The following EGFL6 variants were observed in gnomAD, a reference collection of about 807,000 sequenced individuals.
EGFL6 encodes the protein epidermal growth factor-like protein 6.
EGFL6 carries 42 observed loss-of-function variants against 43.1 expected under a neutral mutation model. That is an observed-to-expected ratio of 0.98 (90% CI 0.76 to 1.26). The LOEUF (loss-of-function observed/expected upper bound fraction) is 1.26, where lower values mean the gene tolerates loss of function less well. EGFL6 is among the 50% of genes most tolerant of loss of function. The probability of loss-of-function intolerance (pLI) is 0.00; values close to 1 mark genes in which losing one functional copy is unlikely to be tolerated. For synonymous variants in EGFL6, 164 were observed against 163.2 expected (o/e 1.01, Z -0.04); for missense variants, 429 against 427.8 (o/e 1.00, Z -0.02).
intron 3 of EGFL6, among the ~76,000 whole-genome samples, chrX:13,596,824 A>G (rs1211624886): frequency 8.9e-6 from 1 of 112,501 alleles, no homozygotes; most frequent in East Asian, 2.8e-4. Flanking sequence ...AGCACCTTAC[A>G]CAATGCACAG....
chrX:13,619,721 G>A (rs988278161), intron 9 of EGFL6, among the ~76,000 whole-genome samples: 1 of 111,716 alleles, frequency 9.0e-6, no homozygotes, highest in Admixed American at 9.5e-5. Flanking sequence ...TTGGCTGGAC[G>A]GTTCTGCTGC....
At chrX:13,599,171 A>G (rs2045618667) in intron 3 of EGFL6, among the ~76,000 whole-genome samples, 1 of 110,360 alleles carries the variant, frequency 9.1e-6, no homozygotes, top group South Asian at 3.8e-4. Context: ...TTGGGATAGC[A>G]TGAAAGGCAG....
chrX:13,588,552 C>T (rs1009383353), intron 1 of EGFL6, among the ~76,000 whole-genome samples: 2 of 111,246 alleles, frequency 1.8e-5, no homozygotes, highest in African/African-American at 6.5e-5. Flanking sequence ...ATGCAGTGAG[C>T]TTCATCCATG....
chrX:13,623,277 C>T (rs1363424803), intron 9 of EGFL6, among the ~76,000 whole-genome samples: 8 of 104,794 alleles, frequency 7.6e-5, no homozygotes, highest in Admixed American at 5.2e-4. Context: ...GGCCTGAATT[C>T]GATAAACAAT....
At chrX:13,572,052 A>G (rs901534454) in intron 1 of EGFL6, among the ~76,000 whole-genome samples, 9 of 112,621 alleles carry the variant, frequency 8.0e-5, no homozygotes, top group Non-Finnish European at 1.7e-4. Flanking sequence ...TATTTAGTGC[A>G]TAGTACACAA....
chrX:13,581,957 A>T (rs2045508299), intron 1 of EGFL6, among the ~76,000 whole-genome samples: 1 of 111,888 alleles, frequency 8.9e-6, no homozygotes, highest in Non-Finnish European at 1.9e-5. Context: ...GAAGAGACAG[A>T]GAGAGAGTGA....
intron 1 of EGFL6, among the ~76,000 whole-genome samples, chrX:13,571,421 C>T (rs1187375803): frequency 9.0e-6 from 1 of 111,582 alleles, no homozygotes; most frequent in African/African-American, 3.3e-5. Context: ...GTTTCAATTT[C>T]CTTTTCATGA....
At chrX:13,571,041 A>G (rs1469489642) in intron 1 of EGFL6, among the ~76,000 whole-genome samples, 3 of 110,598 alleles carry the variant, frequency 2.7e-5, no homozygotes, top group African/African-American at 9.9e-5. Context: ...TGTGCATTGT[A>G]GGATGTTTAG....
intron 1 of EGFL6, among the ~76,000 whole-genome samples, chrX:13,576,590 T>C (rs1423710282): frequency 8.9e-6 from 1 of 111,940 alleles, no homozygotes; most frequent in Non-Finnish European, 1.9e-5. Context: ...CTTAGTTCCA[T>C]GGCCACATAT....
At position 13,584,815 on chromosome X, in the gene EGFL6, A is replaced by G. The variant is rs771356077; in HGVS notation, c.75-4741A>G. ...CTGATACATTATAGGCACTCAATAA[A>G]TACTTGTTGAATGAATGAATGAATG... On this transcript the variant is annotated intron_variant, in intron 1 of 11. Coordinates refer to ENST00000361306, the MANE Select transcript of EGFL6 (RefSeq NM_015507.4). Among the ~76,000 whole-genome samples, 5 of 111,608 alleles carry G rather than the reference A, an allele frequency of 4.5e-5. No homozygotes were observed. In the South Asian group the frequency reaches 1.9e-3, roughly 42 times the overall value.
chrX:13,610,947 T>C (rs781565038), intron 7 of EGFL6, among the ~76,000 whole-genome samples: 14 of 110,199 alleles, frequency 1.3e-4, no homozygotes, highest in Admixed American at 1.9e-4. Flanking sequence ...CTGACAGGAG[T>C]CTCCAGCTTC....
chrX:13,624,340 T>C (rs921288096), intron 10 of EGFL6, among the ~76,000 whole-genome samples: 3 of 111,950 alleles, frequency 2.7e-5, no homozygotes, highest in African/African-American at 9.8e-5. Flanking sequence ...AAAGGAAATA[T>C]AACCTCCACC....
chrX:13,609,977 G>T (rs1485991891), intron 7 of EGFL6, among the ~76,000 whole-genome samples: 1 of 110,890 alleles, frequency 9.0e-6, no homozygotes, highest in Non-Finnish European at 1.9e-5. Context: ...TGCTCCCAAT[G>T]ATGCAAATGA....
intron 7 of EGFL6, among the ~76,000 whole-genome samples, chrX:13,612,626 G>T (rs963410954): frequency 2.7e-5 from 3 of 110,422 alleles, no homozygotes; most frequent in African/African-American, 9.9e-5. Flanking sequence ...GGGCGGCTGG[G>T]CAGAGGCACC....
chrX:13,569,955 T>C lies in EGFL6; in HGVS notation c.74+20T>C, dbSNP rs761587278. 1.4e-4 allele frequency: 173 copies of C among 1,204,951 alleles called. No individual in the cohort carries two copies. In the South Asian group the frequency reaches 2.6e-3, roughly 18 times the overall value. On this transcript the variant is annotated intron_variant, in intron 1 of 11. Coordinates refer to ENST00000361306, the MANE Select transcript of EGFL6 (RefSeq NM_015507.4). The stretch of plus-strand genomic sequence containing the variant: ...GGCCAGGTGAGTGTCTGACTGGCGA[T>C]TGGCTTCCCCCCACCCCCGGCCTGA...
rs1323270349 is a variant in EGFL6 at position 13,617,779 on chromosome X, C to A, written c.828C>A (p.Ile276=). Residue 276 remains isoleucine, a synonymous_variant, in exon 8 of 12, where the codon ATC becomes ATA. Transcript: ENST00000361306. ...VKEVLRAPGT[I]KDRIKKLLAH... ...AAGTCCTCAGAGCACCTGGTACCAT[C>A]AAAGACAGAATCAAGAAGTTGCTTG... 8.3e-7 allele frequency: 1 copy of A among 1,211,622 alleles called. No homozygotes were observed. Among genetic ancestry groups the A allele is most frequent in the East Asian group, 3.0e-5 (1 of 33,865 alleles).
At chrX:13,608,051 C>T (rs184328994) in intron 6 of EGFL6, among the ~76,000 whole-genome samples, 1 of 112,331 alleles carries the variant, frequency 8.9e-6, no homozygotes, top group East Asian at 2.8e-4. Context: ...AGAGAAAAAC[C>T]TAAACATCTT....
At chrX:13,608,005 T>C (rs1359616141) in intron 6 of EGFL6, among the ~76,000 whole-genome samples, 1 of 112,618 alleles carries the variant, frequency 8.9e-6, no homozygotes, top group Non-Finnish European at 1.9e-5. Context: ...GATTTTCTGG[T>C]ATTGTTATTT....
intron 9 of EGFL6, 83 bp from the exon 10 acceptor site, chrX:13,623,740 AG>A: frequency 1.4e-6 from 1 of 719,881 alleles, no homozygotes; most frequent in South Asian, 2.4e-5. Flanking sequence ...ACTGAAAACA[AG>A]GTATTGCCTT....
Sources: gnomAD v4.1 joint callset for allele counts (sites outside exome capture counted in the v4.1 genomes callset) on GRCh38, gnomAD v4.1.1 for gene constraint, MANE v1.5 for transcripts, NCBI Gene and HGNC (gene_info 2026-07-23, HGNC 2026-07-21) for gene names.